Variants in NCKAP5 observed in about 807,000 individuals in gnomAD.
NCKAP5 encodes the protein nck-associated protein 5.
Under a neutral mutation model 167.0 loss-of-function variants are expected in NCKAP5, and 92 were observed. The observed-to-expected ratio is 0.55, with a 90% confidence interval of 0.47 to 0.66. The LOEUF (loss-of-function observed/expected upper bound fraction) is 0.66, where lower values mean the gene tolerates loss of function less well. Among genes scored for constraint, NCKAP5 ranks in the 30% least tolerant of loss-of-function variants. The pLI is 0.00. For missense variants in NCKAP5, 2,378 were observed against 2,315.0 expected (o/e 1.03, Z -0.56); for synonymous variants, 891 against 877.4 (o/e 1.02, Z -0.27).
chr2:132,709,681 A>C (rs1259835540), intron 19 of NCKAP5, among the ~76,000 whole-genome samples: 2 of 152,126 alleles, frequency 1.3e-5, no homozygotes, highest in African/African-American at 4.8e-5. Context: ...ATAAACTAGT[A>C]ATAAACTATT....
chr2:132,874,734 G>T (rs1691133060), intron 9 of NCKAP5, among the ~76,000 whole-genome samples: 1 of 152,098 alleles, frequency 6.6e-6, no homozygotes, highest in Non-Finnish European at 1.5e-5. Context: ...TCGTGCAGAA[G>T]CTCCTCCTGG....
intron 18 of NCKAP5, 35 bp downstream of exon 18, chr2:132,728,781 G>T: frequency 6.2e-7 from 1 of 1,606,694 alleles, no homozygotes; most frequent in Non-Finnish European, 8.5e-7. Context: ...GGACCAACAG[G>T]TGGATTGCAC....
At chr2:132,856,800 T>C (rs1438339679) in intron 11 of NCKAP5, among the ~76,000 whole-genome samples, 1 of 152,178 alleles carries the variant, frequency 6.6e-6, no homozygotes, top group African/African-American at 2.4e-5. Flanking sequence ...TTAATTCAAA[T>C]GTCACCTAGA....
chr2:133,504,118 T>C (rs924291469), intron 3 of NCKAP5, among the ~76,000 whole-genome samples: 1 of 152,132 alleles, frequency 6.6e-6, no homozygotes, highest in Non-Finnish European at 1.5e-5. Context: ...AAACTACAAC[T>C]GCAAATTGAA....
chr2:132,833,506 A>G (rs895752209), intron 11 of NCKAP5, among the ~76,000 whole-genome samples: 1 of 152,020 alleles, frequency 6.6e-6, no homozygotes, highest in African/African-American at 2.4e-5. Flanking sequence ...TCTTATGTTT[A>G]AGACTTTAAT....
chr2:133,228,516 C>T (rs1052739020), intron 4 of NCKAP5, among the ~76,000 whole-genome samples: 1 of 152,152 alleles, frequency 6.6e-6, no homozygotes, highest in Admixed American at 6.6e-5. Context: ...TCATTCTTCC[C>T]TCTACAACAC....
the NCKAP5 span, among the ~76,000 whole-genome samples, chr2:133,595,435 CTCCTCTCCTTT>C: frequency 3.3e-5 from 5 of 151,772 alleles, no homozygotes; most frequent in Non-Finnish European, 7.4e-5. Context: ...TCCTCTTCTT[CTCCTCTCCTTT>C]TCCTCTCTTC....
At chr2:133,533,496 A>G (rs1171626822) in intron 2 of NCKAP5, among the ~76,000 whole-genome samples, 1 of 152,220 alleles carries the variant, frequency 6.6e-6, no homozygotes, top group African/African-American at 2.4e-5. Flanking sequence ...TAAAGTTTGA[A>G]TTAATGTAAA....
Position 132,706,019 on chromosome 2 carries a change from T to C in NCKAP5, c.5713+19608A>G, listed in dbSNP as rs145392999. On this transcript the variant is annotated intron_variant, in intron 19 of 19. Transcript: ENST00000409261. ...ATACATGGAGACATATATATTTGCA[T>C]ATGTACACAATATATAAATACAACA... 2.7e-3 allele frequency among the ~76,000 whole-genome samples: 413 copies of C among 152,302 alleles called. 1 individual carries two copies. The highest frequency in any genetic ancestry group is 5.0e-3 in the Non-Finnish European group (337 of 68,028).
intron 2 of NCKAP5, among the ~76,000 whole-genome samples, chr2:133,547,068 A>G (rs556491522): frequency 2.4e-4 from 37 of 152,328 alleles, no homozygotes; most frequent in African/African-American, 8.9e-4. Flanking sequence ...TCACTTGGGA[A>G]GTGCAAGGGG....
At chr2:133,273,899 A>C (rs1249605417) in intron 4 of NCKAP5, among the ~76,000 whole-genome samples, 2 of 151,808 alleles carry the variant, frequency 1.3e-5, no homozygotes, top group Non-Finnish European at 2.9e-5. Context: ...GGGTTTAAAA[A>C]AAAATAAATT....
the NCKAP5 span, among the ~76,000 whole-genome samples, chr2:133,598,708 G>T: frequency 3.3e-5 from 5 of 152,170 alleles, no homozygotes; most frequent in Non-Finnish European, 5.9e-5. Context: ...ATTGTGCCAG[G>T]TGGACAGGAT....
chr2:133,162,424 G>C (rs898500497), intron 5 of NCKAP5, among the ~76,000 whole-genome samples: 1 of 152,134 alleles, frequency 6.6e-6, no homozygotes, highest in African/African-American at 2.4e-5. Flanking sequence ...TTGATCTATG[G>C]AAAGTAGAAG....
At chr2:133,413,993 A>T (rs566519344) in intron 3 of NCKAP5, among the ~76,000 whole-genome samples, 4 of 152,330 alleles carry the variant, frequency 2.6e-5, no homozygotes, top group East Asian at 1.9e-4. Context: ...GAACACAAGG[A>T]CATCTCACTA....
chr2:132,790,755 T>A (rs756437390), intron 12 of NCKAP5, among the ~76,000 whole-genome samples: 2 of 152,202 alleles, frequency 1.3e-5, no homozygotes, highest in Non-Finnish European at 2.9e-5. Context: ...GAAATCATGA[T>A]ACTATTGCTT....
chr2:132,698,225 C>A (rs1356881258), intron 19 of NCKAP5, among the ~76,000 whole-genome samples: 1 of 152,140 alleles, frequency 6.6e-6, no homozygotes, highest in Non-Finnish European at 1.5e-5. Context: ...CCCCATCATG[C>A]ACAGACACCT....
intron 16 of NCKAP5, among the ~76,000 whole-genome samples, chr2:132,733,134 A>T (rs1181235171): frequency 6.6e-6 from 1 of 152,206 alleles, no homozygotes; most frequent in Non-Finnish European, 1.5e-5. Context: ...GTATCTGAAA[A>T]AATTACCACG....
chr2:132,802,867 G>A (rs956596250), intron 11 of NCKAP5, among the ~76,000 whole-genome samples: 1 of 152,178 alleles, frequency 6.6e-6, no homozygotes, highest in African/African-American at 2.4e-5. Context: ...GCCACACTGA[G>A]AAGTGTGATT....
At chr2:133,200,334 C>T (rs530584601) in intron 5 of NCKAP5, among the ~76,000 whole-genome samples, 119 of 151,998 alleles carry the variant, frequency 7.8e-4, no homozygotes, top group African/African-American at 2.5e-3. Context: ...TTCATGTTAA[C>T]TGATTTTTAA....
Sources: gnomAD v4.1 joint callset for allele counts (sites outside exome capture counted in the v4.1 genomes callset) on GRCh38, gnomAD v4.1.1 for gene constraint, MANE v1.5 for transcripts, NCBI Gene and HGNC (gene_info 2026-07-23, HGNC 2026-07-21) for gene names.